MALRD1: variants seen among roughly 807,000 people sequenced by gnomAD.
MALRD1 encodes the protein MAM and LDL-receptor class A domain-containing protein 1.
MALRD1 carries 247 observed loss-of-function variants against 242.1 expected under a neutral mutation model. The observed-to-expected ratio is 1.02, with a 90% CI of 0.92 to 1.13. The LOEUF is 1.13. Ranked by LOEUF, MALRD1 falls within the 50% of genes most tolerant of loss-of-function variation. The pLI is 0.00. For synonymous variants in MALRD1, 995 were observed against 866.6 expected (o/e 1.15, Z -2.60); for missense variants, 2,989 against 2,533.1 (o/e 1.18, Z -3.86).
intron 30 of MALRD1, 130 bp from the exon 31 acceptor site, chr10:19,498,355 C>G: frequency 2.5e-6 from 2 of 791,278 alleles, no homozygotes; most frequent in Non-Finnish European, 3.9e-6. Context: ...GTACAAATGT[C>G]TTGATGCTGT....
intron 29 of MALRD1, among the ~76,000 whole-genome samples, chr10:19,468,172 C>T (rs3852456): frequency 0.81 from 123,908 of 152,140 alleles, 50,658 homozygotes; most frequent in East Asian, 1. Flanking sequence ...GTTGTTTATT[C>T]CTTAATGGTT....
chr10:19,189,695 G>A (rs946526237), intron 14 of MALRD1, among the ~76,000 whole-genome samples: 10 of 151,782 alleles, frequency 6.6e-5, no homozygotes, highest in African/African-American at 1.9e-4. Context: ...TTAACAGAAC[G>A]AAGGAAAGAA....
At chr10:19,520,460 C>G (rs964641920) in intron 31 of MALRD1, among the ~76,000 whole-genome samples, 3 of 152,116 alleles carry the variant, frequency 2.0e-5, no homozygotes, top group Non-Finnish European at 4.4e-5. Flanking sequence ...CTCCTTGTCT[C>G]ATTTAACTTT....
At chr10:19,511,377 T>C (rs554007553) in intron 31 of MALRD1, among the ~76,000 whole-genome samples, 14 of 152,260 alleles carry the variant, frequency 9.2e-5, no homozygotes, top group Admixed American at 8.5e-4. Flanking sequence ...ACAGTTCCCT[T>C]TAAGATGTCT....
chr10:19,286,511 C>T (rs1319546651), intron 21 of MALRD1, among the ~76,000 whole-genome samples: 3 of 152,148 alleles, frequency 2.0e-5, no homozygotes, highest in Non-Finnish European at 4.4e-5. Flanking sequence ...TTGAGATAAT[C>T]ATGTGGTTTT....
At chr10:19,519,594 C>A (rs935304981) in intron 31 of MALRD1, among the ~76,000 whole-genome samples, 3 of 151,994 alleles carry the variant, frequency 2.0e-5, no homozygotes, top group Non-Finnish European at 4.4e-5. Context: ...CATAGTGAGA[C>A]CCTGTTGCTA....
At chr10:19,489,215 G>A (rs1381572626) in intron 29 of MALRD1, 4 of 474,314 alleles carry the variant, frequency 8.4e-6, no homozygotes, top group Non-Finnish European at 1.3e-5. Context: ...GCCGAAAAAG[G>A]CAGCAGCGAA....
intron 21 of MALRD1, among the ~76,000 whole-genome samples, chr10:19,322,984 T>A (rs1842964669): frequency 6.6e-6 from 1 of 152,172 alleles, no homozygotes; most frequent in Non-Finnish European, 1.5e-5. Context: ...AATGTTTTAT[T>A]CTCTTTTTTG....
intron 29 of MALRD1, among the ~76,000 whole-genome samples, chr10:19,478,561 A>G (rs1277780137): frequency 6.6e-6 from 1 of 152,112 alleles, no homozygotes; most frequent in East Asian, 1.9e-4. Context: ...TTTAATGAGG[A>G]TTACAGTTTC....
intron 19 of MALRD1, among the ~76,000 whole-genome samples, chr10:19,260,399 C>A (rs538010241): frequency 5.3e-5 from 8 of 152,152 alleles, no homozygotes; most frequent in Admixed American, 4.6e-4. Context: ...GCTAAAAGAC[C>A]AAGTCCCTAT....
intron 11 of MALRD1, among the ~76,000 whole-genome samples, chr10:19,152,767 A>G (rs1833989747): frequency 6.6e-6 from 1 of 152,112 alleles, no homozygotes; most frequent in South Asian, 2.1e-4. Flanking sequence ...TATTGGTAAA[A>G]CATGGGAAAT....
intron 18 of MALRD1, among the ~76,000 whole-genome samples, chr10:19,212,411 T>A (rs1837110755): frequency 6.6e-6 from 1 of 152,246 alleles, no homozygotes; most frequent in African/African-American, 2.4e-5. Context: ...TTGTTTCATT[T>A]AGTATAATTA....
In MALRD1 at chr10:19,601,384, T is replaced by C. The variant is rs551224680; in HGVS notation, c.5944+5927T>C. ...ATAAAGTAAATGGCTCAGATTATTTTCCTATATTCAGTACAATGTTATTTG... is the reference window on the plus strand; with the variant it reads ...ATAAAGTAAATGGCTCAGATTATTTCCCTATATTCAGTACAATGTTATTTG... On this transcript the variant is annotated intron_variant, in intron 34 of 39. Coordinates refer to ENST00000454679, the MANE Select transcript of MALRD1 (RefSeq NM_001142308.3). Among the ~76,000 whole-genome samples, 431 of 152,092 alleles carry C rather than the reference T, an allele frequency of 2.8e-3. 3 individuals are homozygous for C. The highest frequency in any genetic ancestry group is 1.0e-2 in the African/African-American group (414 of 41,540).
chr10:19,677,937 T>G (rs1167738792), intron 36 of MALRD1, among the ~76,000 whole-genome samples: 1 of 152,192 alleles, frequency 6.6e-6, no homozygotes. Context: ...CCTTTCCTCA[T>G]TGCTAGTTTT....
At chr10:19,447,918 G>T (rs1029017466) in intron 28 of MALRD1, among the ~76,000 whole-genome samples, 6 of 152,140 alleles carry the variant, frequency 3.9e-5, no homozygotes, top group African/African-American at 1.4e-4. Flanking sequence ...GAAGTTACAT[G>T]AATCTGTGGG....
At chr10:19,203,680 G>T in intron 14 of MALRD1, 48 bp from the exon 15 acceptor site, 1 of 1,475,064 alleles carries the variant, frequency 6.8e-7, no homozygotes, top group Admixed American at 2.4e-5. Context: ...TTCAAAGTGT[G>T]GGAGCAGTTT....
At chr10:19,218,082 A>G (rs1250099776) in intron 18 of MALRD1, among the ~76,000 whole-genome samples, 2 of 152,026 alleles carry the variant, frequency 1.3e-5, no homozygotes, top group Non-Finnish European at 2.9e-5. Context: ...AGTGACATGA[A>G]ACTATGGAGC....
Position 19,076,163 on chromosome 10 carries a change from C to G in MALRD1, c.340+9304C>G, listed in dbSNP as rs543260687. 3.3e-5 allele frequency among the ~76,000 whole-genome samples: 5 copies of G among 151,968 alleles called. No individual in the cohort carries two copies. The East Asian group carries it at 9.7e-4, about 30-fold the overall frequency. Reference sequence around the variant, plus strand: ...TTTCATTGCTTCCCTTTAGATCATGCCAAAAATTAAGGATCTGTCTTCCAT... The same window carrying G: ...TTTCATTGCTTCCCTTTAGATCATGGCAAAAATTAAGGATCTGTCTTCCAT... On this transcript the variant is annotated intron_variant, in intron 2 of 39. Transcript: ENST00000454679.
chr10:19,643,962 C>T lies in MALRD1; in HGVS notation c.6137+28039C>T, dbSNP rs541477518. ...TCCTTCTGCACCACTGTAGACTGTC[C>T]TTTAATGAGAGCCAGCTTCTGGCAA... On this transcript the variant is annotated intron_variant, in intron 36 of 39. Transcript: ENST00000454679. Among the ~76,000 whole-genome samples, 3 of 152,288 alleles carry T rather than the reference C, an allele frequency of 2.0e-5. No homozygotes were observed. The East Asian group carries it at 5.8e-4, about 29-fold the overall frequency.
Sources: allele counts gnomAD v4.1 joint callset (sites outside exome capture counted in the v4.1 genomes callset), GRCh38; gene constraint gnomAD v4.1.1; transcripts MANE v1.5; gene names NCBI Gene and HGNC (gene_info 2026-07-23, HGNC 2026-07-21).